POM121: variants seen among roughly 807,000 people sequenced by gnomAD.
POM121 encodes POM121 transmembrane nucleoporin.
A neutral mutation model predicts 81.3 loss-of-function variants in POM121; 32 were observed. That is an observed-to-expected ratio of 0.39 (90% CI 0.30 to 0.53). The LOEUF (loss-of-function observed/expected upper bound fraction) is 0.53. POM121 is among the 20% of genes least tolerant of loss of function. The pLI is 0.66. For synonymous variants in POM121, 514 were observed against 694.2 expected, an observed-to-expected ratio of 0.74 and a Z score of 4.08; for missense variants, 1,138 against 1,614.6, an observed-to-expected ratio of 0.70 and a Z score of 5.06.
chr7:72,915,248 C>T (rs1794185609), intron 4 of POM121, among the ~76,000 whole-genome samples: 1 of 152,146 alleles, frequency 6.6e-6, no homozygotes, highest in East Asian at 1.9e-4. Flanking sequence ...ATCTCAGGAA[C>T]AAAGATCATT....
At chr7:72,886,998 A>C (rs1790787006) in intron 1 of POM121, among the ~76,000 whole-genome samples, 1 of 151,906 alleles carries the variant, frequency 6.6e-6, no homozygotes, top group African/African-American at 2.4e-5. Context: ...CCTCCCCTCC[A>C]TTGATTCTTG....
chr7:72,883,483 A>T (rs555007032), intron 1 of POM121, among the ~76,000 whole-genome samples: 1 of 152,154 alleles, frequency 6.6e-6, no homozygotes, highest in Non-Finnish European at 1.5e-5. Flanking sequence ...AGGGGCTAGG[A>T]ATAACCCATA....
chr7:72,914,456 C>T (rs73358392), intron 4 of POM121, among the ~76,000 whole-genome samples: 1 of 149,488 alleles, frequency 6.7e-6, no homozygotes, highest in Non-Finnish European at 1.5e-5. Context: ...AAACAGACTT[C>T]ACTTCTTTAT....
At chr7:72,882,903 G>T (rs1179005211) in intron 1 of POM121, among the ~76,000 whole-genome samples, 1 of 152,190 alleles carries the variant, frequency 6.6e-6, no homozygotes, top group Middle Eastern at 3.2e-3. Context: ...TTCCTCACAG[G>T]ACCCTTTGTC....
At chr7:72,897,788 A>G (rs1208623767) in intron 3 of POM121, among the ~76,000 whole-genome samples, 3 of 152,192 alleles carry the variant, frequency 2.0e-5, no homozygotes, top group Admixed American at 6.5e-5. Context: ...TGGGAGGCCA[A>G]GGCAGGAGGA....
upstream of POM121, among the ~76,000 whole-genome samples, chr7:72,920,816 G>A (rs1273227035): frequency 6.6e-6 from 1 of 152,138 alleles, no homozygotes; most frequent in Non-Finnish European, 1.5e-5. Flanking sequence ...CGGTGCTTGA[G>A]TACTCCACAC....
At chr7:72,941,443 C>T (rs1445089728) in intron 10 of POM121, among the ~76,000 whole-genome samples, 1 of 148,628 alleles carries the variant, frequency 6.7e-6, no homozygotes, top group Non-Finnish European at 1.5e-5. Flanking sequence ...AGACGGTAAC[C>T]TGGGGTTCGT....
intron 11 of POM121, among the ~76,000 whole-genome samples, chr7:72,944,319 C>T (rs1195036880): frequency 6.6e-6 from 1 of 151,956 alleles, no homozygotes; most frequent in Non-Finnish European, 1.5e-5. Context: ...GATGGTTCCT[C>T]CCATGTGGAA....
intron 3 of POM121, among the ~76,000 whole-genome samples, chr7:72,913,528 G>A (rs545536025): frequency 6.6e-6 from 1 of 152,294 alleles, no homozygotes; most frequent in Non-Finnish European, 1.5e-5. Flanking sequence ...GGCTGCCATT[G>A]TCCTGTCTAG....
intron 3 of POM121, among the ~76,000 whole-genome samples, chr7:72,902,388 G>C (rs1209278789): frequency 1.4e-5 from 2 of 147,208 alleles, no homozygotes; most frequent in African/African-American, 5.0e-5. Context: ...TCAGCCTCCT[G>C]AGTAGCTGGG....
At chr7:72,880,218 A>T (rs1790000930) in intron 1 of POM121, among the ~76,000 whole-genome samples, 1 of 152,096 alleles carries the variant, frequency 6.6e-6, no homozygotes, top group Non-Finnish European at 1.5e-5. Flanking sequence ...TCTCTCACTT[A>T]AGTGTCTGCT....
At chr7:72,889,231 G>T (rs1209502512) in intron 1 of POM121, among the ~76,000 whole-genome samples, 1 of 152,198 alleles carries the variant, frequency 6.6e-6, no homozygotes, top group Non-Finnish European at 1.5e-5. Context: ...CCTGCCTGTG[G>T]ATAAGCTTGG....
chr7:72,936,707 T>C (rs535807693), intron 5 of POM121, among the ~76,000 whole-genome samples: 42 of 152,258 alleles, frequency 2.8e-4, no homozygotes, highest in South Asian at 4.1e-4. Context: ...CCACCTCGTC[T>C]GGCCCCTTTG....
At chr7:72,896,033 G>T (rs1232422844) in intron 3 of POM121, among the ~76,000 whole-genome samples, 1 of 152,010 alleles carries the variant, frequency 6.6e-6, no homozygotes, top group Non-Finnish European at 1.5e-5. Context: ...TGGCTTTCAA[G>T]CTGGGCTTTG....
upstream of POM121, chr7:72,924,843 A>G: frequency 2.4e-6 from 1 of 422,784 alleles, no homozygotes; most frequent in East Asian, 4.0e-5. Flanking sequence ...ATTAGGAATT[A>G]CGTAAGCATA....
chr7:72,903,327 T>G (rs1181880789), intron 3 of POM121, among the ~76,000 whole-genome samples: 1 of 151,952 alleles, frequency 6.6e-6, no homozygotes, highest in African/African-American at 2.4e-5. Context: ...ATCCCAGCTA[T>G]TTGGGAGGTT....
rs550007339 is a variant in POM121, at chr7:72,938,693, T to A, written c.1367+12T>A. ...GCAAAGAAAATAAGGTACTTGGCAT[T>A]CTCCTGCAGTTTTCATTTGCTGCGT... On this transcript the variant is annotated intron_variant, in intron 6 of 12. Transcript: ENST00000434423. 146 of 1,612,144 alleles carry A rather than the reference T, an allele frequency of 9.1e-5. No individual in the cohort carries two copies. The highest frequency in any genetic ancestry group is 1.2e-4 in the Non-Finnish European group (137 of 1,178,320).
In POM121 at chr7:72,926,316, G is replaced by A. The variant is rs782651645; in HGVS notation, c.699G>A (p.Pro233=). 1 of 1,604,820 alleles carries A rather than the reference G, an allele frequency of 6.2e-7. No individual in the cohort carries two copies. The highest frequency in any genetic ancestry group is 2.2e-5 in the East Asian group (1 of 44,478). The change falls in exon 2 of 13, where the codon CCG becomes CCA. Residue 233 remains proline, a synonymous_variant. Coordinates refer to ENST00000434423, the MANE Select transcript of POM121 (RefSeq NM_001387691.1). ...RFVITPRRRY[P]IHQAQYSCLG... is the part of the protein sequence containing the mutation. ...TAATAACACCTAGAAGACGCTATCC[G>A]ATCCATCAGGCCCAGTATTCCTGTC...
Position 72,938,460 on chromosome 7 carries a change from G to A in POM121, c.1276-130G>A. The A allele has an allele frequency of 2.6e-6, 3 of 1,147,068 alleles. No individual in the cohort carries two copies. In the South Asian group the frequency reaches 3.8e-5, roughly 15 times the overall value. The allele number at this position is 1,147,068 out of a possible 1,614,324, so 71.1% of individuals were successfully genotyped here. A position where few individuals can be genotyped will look rare whatever the true frequency, so the allele number is the denominator to read the frequency against. On this transcript the variant is annotated intron_variant, in intron 5 of 12. Transcript: ENST00000434423. The stretch of plus-strand genomic sequence containing the variant: ...CCCACCTTGGCCTCCCAGCATGCTG[G>A]GATTACAGGCATGACTAACCATTTA...
Sources: allele counts gnomAD v4.1 joint callset (sites outside exome capture counted in the v4.1 genomes callset), GRCh38; gene constraint gnomAD v4.1.1; transcripts MANE v1.5; gene names NCBI Gene and HGNC (gene_info 2026-07-23, HGNC 2026-07-21).